The following SPINK2 variants were observed in gnomAD, a reference collection of about 807,000 sequenced individuals.
SPINK2 encodes serine protease inhibitor Kazal-type 2.
In SPINK2, 8 loss-of-function variants were observed where a neutral mutation model predicts 13.5. The observed-to-expected ratio is 0.59, with a 90% CI of 0.35 to 1.07. The LOEUF is 1.07. SPINK2 is among the 50% of genes least tolerant of loss of function. The probability of loss-of-function intolerance (pLI) is 0.02; values close to 1 mark genes in which losing one functional copy is unlikely to be tolerated. For missense variants in SPINK2, 148 were observed against 180.3 expected (o/e 0.82, Z 1.03); for synonymous variants, 76 against 74.7 (o/e 1.02, Z -0.09).
intron 2 of SPINK2, among the ~76,000 whole-genome samples, chr4:56,816,497 G>T (rs1463127791): frequency 6.6e-6 from 1 of 151,414 alleles, no homozygotes; most frequent in Non-Finnish European, 1.5e-5. Context: ...ACTAAAAATA[G>T]AAAAATTAGC....
intron 1 of SPINK2, among the ~76,000 whole-genome samples, chr4:56,820,823 A>G (rs912943248): frequency 4.6e-5 from 7 of 152,044 alleles, no homozygotes; most frequent in African/African-American, 1.7e-4. Flanking sequence ...CACATCTTCT[A>G]TTTTCCCCTC....
Position 56,821,693 on chromosome 4 carries a change from C to A in SPINK2, c.-31G>T. 1.6e-5 allele frequency: 24 copies of A among 1,473,882 alleles called. 1 individual carries two copies. In the South Asian group the frequency reaches 3.1e-4, roughly 19 times the overall value. 91.3% of individuals were successfully genotyped at this position (1,473,882 alleles called of 1,614,324 possible). A position where few individuals can be genotyped will look rare whatever the true frequency, so the allele number is the denominator to read the frequency against. Reference sequence around the variant, plus strand: ...TCCCGCGCCGGCTGTCTTGCCCCTGCGGTCTGTTACCTGCGCCACTCGCAG... The same window carrying A: ...TCCCGCGCCGGCTGTCTTGCCCCTGAGGTCTGTTACCTGCGCCACTCGCAG... On this transcript the variant is annotated 5_prime_UTR_variant, in exon 1 of 4. Transcript: ENST00000506738.
At position 56,809,902 on chromosome 4, in the gene SPINK2, C is replaced by A. The variant is rs943723609; in HGVS notation, c.*237G>T. 15 of 1,059,936 alleles carry A rather than the reference C, an allele frequency of 1.4e-5. No individual in the cohort carries two copies. Among genetic ancestry groups the A allele is most frequent in the Non-Finnish European group, 1.9e-5 (15 of 769,868 alleles). The allele number at this position is 1,059,936 out of a possible 1,614,324, so 65.7% of individuals were successfully genotyped here. ...TTTATTTCAACTAAATAAAGCAATG[C>A]ACAAGTCACCTGGGCAGTAAGCTTA... On this transcript the variant is annotated 3_prime_UTR_variant, in exon 4 of 4. Coordinates refer to ENST00000506738, the MANE Select transcript of SPINK2 (RefSeq NM_001271718.2).
intron 2 of SPINK2, among the ~76,000 whole-genome samples, chr4:56,814,251 A>C (rs1025061308): frequency 6.6e-6 from 1 of 151,814 alleles, no homozygotes; most frequent in Non-Finnish European, 1.5e-5. Context: ...TGATGGTCTG[A>C]GTTTCATCCC....
At chr4:56,820,949 T>G (rs1009743119) in intron 1 of SPINK2, among the ~76,000 whole-genome samples, 2 of 152,214 alleles carry the variant, frequency 1.3e-5, no homozygotes, top group East Asian at 1.9e-4. Flanking sequence ...CTGTTCCCAT[T>G]AGGGTTGGTT....
chr4:56,820,727 TC>T (rs1717869361), intron 1 of SPINK2, 148 bp from the exon 2 acceptor site: 2 of 618,082 alleles, frequency 3.2e-6, no homozygotes, highest in African/African-American at 3.7e-5. Flanking sequence ...TGCCTAGGCC[TC>T]CCAAAGTGCT....
rs1717926462 is a variant in SPINK2, at chr4:56,821,450, TC to T, written c.205+7del. 20 of 1,510,476 alleles carry T rather than the reference TC, an allele frequency of 1.3e-5. No homozygotes were observed. The highest frequency in any genetic ancestry group is 2.3e-4 in the Middle Eastern group (1 of 4,274). The allele number at this position is 1,510,476 out of a possible 1,614,324, so 93.6% of individuals were successfully genotyped here. ...CACCCCCACAACCCCCAGTTCGCGT[TC>T]CTCCACCTGGCAGGTCCTCTGGGGA... On this transcript the variant is annotated splice_region_variant and intron_variant, in intron 1 of 3. Transcript: ENST00000506738.
At chr4:56,813,597 T>G (rs1451327058) in intron 2 of SPINK2, among the ~76,000 whole-genome samples, 2 of 151,444 alleles carry the variant, frequency 1.3e-5, no homozygotes, top group Non-Finnish European at 2.9e-5. Context: ...GTGAGGAATC[T>G]AGGTTGTGCA....
Position 56,821,643 on chromosome 4 carries a change from C to A in SPINK2, c.20G>T (p.Arg7Leu). The A allele has an allele frequency of 6.5e-6, 10 of 1,544,446 alleles. No individual in the cohort carries two copies. Among genetic ancestry groups the A allele is most frequent in the Non-Finnish European group, 8.7e-6 (10 of 1,146,088 alleles). MALSVL[R>L]LALLLLAVTF... is the part of the protein sequence containing the mutation. ...AACTGCCAGGAGCAGCAGCGCCAAG[C>A]GCAGCACCGACAGCGCCATCCTCCT... The change falls in exon 1 of 4, where the codon CGC (arginine) becomes CTC (leucine). Residue 7 changes from arginine to leucine, a missense_variant. Physicochemically the swap from Arg to Leu is moderately radical, Grantham distance 102 (BLOSUM62 -2). Coordinates refer to ENST00000506738, the MANE Select transcript of SPINK2 (RefSeq NM_001271718.2).
At chr4:56,810,578 C>T (rs1716895185) in intron 3 of SPINK2, 2 of 188,900 alleles carry the variant, frequency 1.1e-5, no homozygotes, top group Non-Finnish European at 2.2e-5. Flanking sequence ...GTGGCTCACG[C>T]CTGTAATCCC....
chr4:56,815,108 C>CA (rs1717329395), intron 2 of SPINK2, among the ~76,000 whole-genome samples: 2 of 151,336 alleles, frequency 1.3e-5, no homozygotes, highest in Middle Eastern at 6.9e-3. Flanking sequence ...AACAAACAAA[C>CA]AAAAAACACA....
At chr4:56,811,401 T>C (rs1716962167) in intron 3 of SPINK2, among the ~76,000 whole-genome samples, 1 of 151,990 alleles carries the variant, frequency 6.6e-6, no homozygotes, top group South Asian at 2.1e-4. Context: ...GGTGGATCAC[T>C]TGAGGTCAGG....
chr4:56,817,498 G>C (rs1288113516), intron 2 of SPINK2, among the ~76,000 whole-genome samples: 1 of 151,942 alleles, frequency 6.6e-6, no homozygotes, highest in Non-Finnish European at 1.5e-5. Context: ...AAACAGTCTT[G>C]ACTAAGAAAA....
In SPINK2 at chr4:56,811,789, G is replaced by A; in HGVS notation, c.255C>T (p.Asn85=). The change falls in exon 3 of 4, where the codon AAC becomes AAT. Residue 85 remains asparagine (N), a synonymous_variant. Coordinates refer to ENST00000506738, the MANE Select transcript of SPINK2 (RefSeq NM_001271718.2). The part of the protein sequence containing the change: ...FGLFSKYRTP[N]CSQYRLPGCP... ...ATCCTGGTAATCTATACTGAGAGCA[G>A]TTTGGCTGGAAAAAAGAAAGAGAGA... 1.9e-6 allele frequency: 3 copies of A among 1,602,890 alleles called. No homozygotes were observed. The highest frequency in any genetic ancestry group is 1.7e-5 in the Admixed American group (1 of 58,940).
rs981156326 is a variant in SPINK2 at position 56,817,853 on chromosome 4, C to G, written c.249+2683G>C. On this transcript the variant is annotated intron_variant, in intron 2 of 3. Coordinates refer to ENST00000506738, the MANE Select transcript of SPINK2 (RefSeq NM_001271718.2). ...TGGCAACAAGAGTGAAACTCCATCT[C>G]AAAAAAAAAAAAAAAAGTGTGGCAC... Among the ~76,000 whole-genome samples, 543 of 76,322 alleles carry G rather than the reference C, an allele frequency of 7.1e-3. 7 individuals carry two copies. Among genetic ancestry groups the G allele is most frequent in the African/African-American group, 0.025 (502 of 20,272 alleles). The allele number at this position is 76,322 out of a possible 152,430, so 50.1% of individuals were successfully genotyped here.
intron 2 of SPINK2, among the ~76,000 whole-genome samples, chr4:56,819,168 G>A (rs1168103179): frequency 6.6e-6 from 1 of 152,110 alleles, no homozygotes; most frequent in Non-Finnish European, 1.5e-5. Context: ...AGGTATCTAA[G>A]TATTTATTAT....
Position 56,821,651 on chromosome 4 carries a change from C to A in SPINK2, c.12G>T (p.Ser4=). MAL[S]VLRLALLLLA... ...GGAGCAGCAGCGCCAAGCGCAGCAC[C>A]GACAGCGCCATCCTCCTCCCGCGCC... The change falls in exon 1 of 4, where the codon TCG becomes TCT. Residue 4 remains serine, a synonymous_variant. Transcript: ENST00000506738. 6.5e-7 allele frequency: 1 copy of A among 1,541,468 alleles called. No individual in the cohort carries two copies. The highest frequency in any genetic ancestry group is 1.4e-5 in the African/African-American group (1 of 72,246).
chr4:56,812,429 C>T (rs1238413379), intron 2 of SPINK2, among the ~76,000 whole-genome samples: 1 of 151,400 alleles, frequency 6.6e-6, no homozygotes, highest in Non-Finnish European at 1.5e-5. Flanking sequence ...GTGGCGCATG[C>T]CTGTAATCCC....
intron 2 of SPINK2, among the ~76,000 whole-genome samples, chr4:56,812,896 C>T (rs1299160116): frequency 3.3e-5 from 5 of 152,194 alleles, no homozygotes; most frequent in Non-Finnish European, 1.5e-5. Flanking sequence ...TCTATGGAGA[C>T]TCCAAATTTC....
Sources: allele counts gnomAD v4.1 joint callset (sites outside exome capture counted in the v4.1 genomes callset), GRCh38; gene constraint gnomAD v4.1.1; transcripts MANE v1.5; gene names NCBI Gene and HGNC (gene_info 2026-07-23, HGNC 2026-07-21).